The following CA8 variants were observed in gnomAD, a reference collection of about 807,000 sequenced individuals.
CA8 encodes carbonic anhydrase 8 (inactive).
A neutral mutation model predicts 41.4 loss-of-function variants in CA8; 22 were observed. That is an observed-to-expected ratio of 0.53 (90% CI 0.38 to 0.76). The LOEUF is 0.76. Ranked by LOEUF, CA8 falls within the 30% of genes least tolerant of loss-of-function variation. CA8 has a pLI of 0.00. For synonymous variants in CA8, 121 were observed against 130.6 expected (o/e 0.93, Z 0.50); for missense variants, 270 against 352.8 (o/e 0.77, Z 1.88).
chr8:60,232,424 T>C (rs746574538), intron 3 of CA8, 45 bp from the exon 4 acceptor site: 1 of 1,281,146 alleles, frequency 7.8e-7, no homozygotes, highest in South Asian at 1.2e-5. Context: ...AATGTGCTAC[T>C]TCTAATCATA....
At chr8:60,232,064 T>C (rs1807666308) in intron 4 of CA8, among the ~76,000 whole-genome samples, 1 of 152,170 alleles carries the variant, frequency 6.6e-6, no homozygotes, top group Non-Finnish European at 1.5e-5. Context: ...TGAATGCTAC[T>C]CTGAAGAAAA....
At chr8:60,193,050 G>C (rs538928057) in intron 8 of CA8, among the ~76,000 whole-genome samples, 4 of 151,702 alleles carry the variant, frequency 2.6e-5, no homozygotes, top group South Asian at 4.2e-4. Flanking sequence ...AAATCTGGTT[G>C]AATCAATTAT....
chr8:60,200,338 G>A (rs532312828), intron 8 of CA8, among the ~76,000 whole-genome samples: 1 of 152,268 alleles, frequency 6.6e-6, no homozygotes, highest in Non-Finnish European at 1.5e-5. Flanking sequence ...TCCCTTCTTC[G>A]GGAGATGGCT....
intron 2 of CA8, among the ~76,000 whole-genome samples, chr8:60,267,084 C>G (rs1585926299): frequency 6.6e-6 from 1 of 152,238 alleles, no homozygotes; most frequent in Non-Finnish European, 1.5e-5. Context: ...TCATCCTTAC[C>G]CAAAAACTCA....
intron 3 of CA8, among the ~76,000 whole-genome samples, chr8:60,261,403 G>A (rs866385371): frequency 1.6e-4 from 24 of 152,214 alleles, no homozygotes; most frequent in African/African-American, 5.8e-4. Flanking sequence ...AATATGGCTA[G>A]ACCTCCTTTT....
chr8:60,210,903 G>A (rs767339253), intron 7 of CA8, among the ~76,000 whole-genome samples: 9 of 152,140 alleles, frequency 5.9e-5, no homozygotes, highest in Admixed American at 6.5e-5. Context: ...TTCTAGAGAC[G>A]AAGCTGCATG....
intron 3 of CA8, among the ~76,000 whole-genome samples, chr8:60,244,342 A>G (rs1808145913): frequency 6.6e-6 from 1 of 152,144 alleles, no homozygotes; most frequent in Admixed American, 6.5e-5. Context: ...GCAATTATAT[A>G]CTGCAAGCCT....
chr8:60,206,988 C>T (rs1031116964), intron 8 of CA8, among the ~76,000 whole-genome samples: 2 of 152,082 alleles, frequency 1.3e-5, no homozygotes, highest in Non-Finnish European at 2.9e-5. Context: ...TCTGTTGCTG[C>T]GGCCTCCTGC....
intron 8 of CA8, among the ~76,000 whole-genome samples, chr8:60,194,049 T>C (rs1000374549): frequency 1.3e-5 from 2 of 152,244 alleles, no homozygotes; most frequent in Non-Finnish European, 2.9e-5. Flanking sequence ...TTCTCATTTC[T>C]GCTATCATGC....
At chr8:60,190,226 C>G (rs1244277226) in intron 8 of CA8, among the ~76,000 whole-genome samples, 1 of 151,536 alleles carries the variant, frequency 6.6e-6, no homozygotes, top group African/African-American at 2.4e-5. Context: ...GAAGCAAATA[C>G]TTTCATCCAA....
At chr8:60,280,918 A>G in intron 1 of CA8, 130 bp downstream of exon 1, 1 of 717,496 alleles carries the variant, frequency 1.4e-6, no homozygotes, top group South Asian at 1.5e-5. Flanking sequence ...AAAGTGGCAG[A>G]GACCCCCGTG....
chr8:60,255,908 A>T lies in CA8; in HGVS notation c.417+10017T>A, dbSNP rs1257606726. On this transcript the variant is annotated intron_variant, in intron 3 of 8. Transcript: ENST00000317995. Reference sequence around the variant, plus strand: ...AGGTGCTTCCAACATTACGCTATTAATTTTTTTTTTTTTTTTTGAAACAGA... The same window carrying T: ...AGGTGCTTCCAACATTACGCTATTATTTTTTTTTTTTTTTTTTGAAACAGA... 2.8e-5 allele frequency among the ~76,000 whole-genome samples: 4 copies of T among 143,344 alleles called. No homozygotes were observed. In the Admixed American group the frequency reaches 2.8e-4, roughly 10 times the overall value. The allele number at this position is 143,344 out of a possible 152,430, so 94.0% of individuals were successfully genotyped here.
intron 3 of CA8, among the ~76,000 whole-genome samples, chr8:60,234,981 C>T (rs1037444395): frequency 6.6e-6 from 1 of 152,202 alleles, no homozygotes; most frequent in Non-Finnish European, 1.5e-5. Flanking sequence ...CAACCTTCAG[C>T]TGTAACCTAG....
rs1403719399 is a variant in CA8, at chr8:60,214,844, T to C, written c.739-5925A>G. 2.6e-5 allele frequency among the ~76,000 whole-genome samples: 4 copies of C among 152,372 alleles called. No individual in the cohort carries two copies. The East Asian group carries it at 7.7e-4, about 29-fold the overall frequency. On this transcript the variant is annotated intron_variant, in intron 7 of 8. Coordinates refer to ENST00000317995, the MANE Select transcript of CA8 (RefSeq NM_004056.6). ...TTTCAATATTCTAGAAGACGTATCA[T>C]GTATCCACAGGGTGAAAAAACAACA...
chr8:60,226,504 G>A (rs1459830943), intron 5 of CA8, among the ~76,000 whole-genome samples: 1 of 152,148 alleles, frequency 6.6e-6, no homozygotes, highest in Non-Finnish European at 1.5e-5. Flanking sequence ...TATGTTGCAT[G>A]CGTTTAGTGC....
chr8:60,222,833 A>C (rs1275523152), intron 6 of CA8, 72 bp from the exon 7 acceptor site: 1 of 901,770 alleles, frequency 1.1e-6, no homozygotes, highest in Non-Finnish European at 1.9e-6. Flanking sequence ...TCCAACAACA[A>C]TTTTCAAAAT....
chr8:60,253,687 G>A (rs1314809758), intron 3 of CA8, among the ~76,000 whole-genome samples: 1 of 152,026 alleles, frequency 6.6e-6, no homozygotes, highest in African/African-American at 2.4e-5. Flanking sequence ...GTTACCTCTC[G>A]TGCCCCTTCC....
chr8:60,249,110 G>C (rs1808354505), intron 3 of CA8, among the ~76,000 whole-genome samples: 1 of 151,948 alleles, frequency 6.6e-6, no homozygotes, highest in Non-Finnish European at 1.5e-5. Flanking sequence ...TCTCAATAAA[G>C]CTTTTTTTTA....
intron 3 of CA8, among the ~76,000 whole-genome samples, chr8:60,249,057 T>C (rs1808352984): frequency 6.6e-6 from 1 of 152,210 alleles, no homozygotes; most frequent in Admixed American, 6.5e-5. Context: ...TTTGGTCCAT[T>C]GACTAGCATA....
Sources: gnomAD v4.1 joint callset for allele counts (sites outside exome capture counted in the v4.1 genomes callset) on GRCh38, gnomAD v4.1.1 for gene constraint, MANE v1.5 for transcripts, NCBI Gene and HGNC (gene_info 2026-07-23, HGNC 2026-07-21) for gene names.